Variants in ABTB3 observed in about 807,000 individuals in gnomAD.
ABTB3 encodes ankyrin repeat and BTB domain containing 3.
chr12:107,485,208 A>G, the ABTB3 span, among the ~76,000 whole-genome samples: 7 of 152,132 alleles, frequency 4.6e-5, no homozygotes, highest in Admixed American at 6.5e-5. Flanking sequence ...TATGATTCCA[A>G]ATTCATTGCT....
chr12:107,552,880 A>T, the ABTB3 span, among the ~76,000 whole-genome samples: 6 of 152,310 alleles, frequency 3.9e-5, no homozygotes, highest in South Asian at 2.1e-4. Flanking sequence ...GTACTAAATG[A>T]TCAGTGCATA....
chr12:107,346,801 C>T, the ABTB3 span, among the ~76,000 whole-genome samples: 3 of 152,300 alleles, frequency 2.0e-5, no homozygotes, highest in Admixed American at 2.0e-4. Context: ...ACAATTTTTA[C>T]TGGAGACAGA....
the ABTB3 span, among the ~76,000 whole-genome samples, chr12:107,606,522 C>T: frequency 6.6e-6 from 1 of 152,126 alleles, no homozygotes; most frequent in Admixed American, 6.5e-5. Context: ...GCCCAGCATA[C>T]CGTAGGTGCC....
chr12:107,552,394 TTGAA>T, the ABTB3 span, among the ~76,000 whole-genome samples: 3 of 152,244 alleles, frequency 2.0e-5, no homozygotes, highest in African/African-American at 7.2e-5. Flanking sequence ...AGAAGGAACT[TTGAA>T]TGACTCCTAG....
the ABTB3 span, chr12:107,617,864 T>C: frequency 2.3e-6 from 1 of 442,364 alleles, no homozygotes; most frequent in Non-Finnish European, 4.0e-6. Flanking sequence ...ACATTCACTT[T>C]GGAGAGAGGG....
chr12:107,329,011 C>A, the ABTB3 span, among the ~76,000 whole-genome samples: 1 of 152,144 alleles, frequency 6.6e-6, no homozygotes, highest in Non-Finnish European at 1.5e-5. Context: ...CAGATCACAG[C>A]GTAGCCTCCT....
At chr12:107,560,875 GTGTT>G in the ABTB3 span, among the ~76,000 whole-genome samples, 3 of 152,320 alleles carry the variant, frequency 2.0e-5, no homozygotes, top group African/African-American at 4.8e-5. Flanking sequence ...TTTGGTGGCT[GTGTT>G]TGTTTGTGTC....
the ABTB3 span, among the ~76,000 whole-genome samples, chr12:107,430,645 T>TA: frequency 6.6e-6 from 1 of 152,210 alleles, no homozygotes; most frequent in African/African-American, 2.4e-5. Flanking sequence ...AGAATAGTGT[T>TA]AAAAAATAAT....
the ABTB3 span, among the ~76,000 whole-genome samples, chr12:107,626,584 G>A: frequency 2.6e-5 from 4 of 151,742 alleles, no homozygotes; most frequent in Non-Finnish European, 5.9e-5. Flanking sequence ...TCCTGACCTC[G>A]TGATCTGCCT....
At chr12:107,355,622 A>G in the ABTB3 span, among the ~76,000 whole-genome samples, 2 of 152,208 alleles carry the variant, frequency 1.3e-5, no homozygotes, top group Non-Finnish European at 1.5e-5. Flanking sequence ...ATATGATGTA[A>G]AGATATAAAA....
At chr12:107,412,267 A>C in the ABTB3 span, among the ~76,000 whole-genome samples, 2 of 152,216 alleles carry the variant, frequency 1.3e-5, no homozygotes, top group Non-Finnish European at 2.9e-5. Flanking sequence ...CCCATCTTGC[A>C]GATGAGGATT....
At chr12:107,390,710 C>T in the ABTB3 span, among the ~76,000 whole-genome samples, 8 of 152,130 alleles carry the variant, frequency 5.3e-5, no homozygotes, top group Non-Finnish European at 4.4e-5. Context: ...ATCTTGGAGG[C>T]TGTTCCTCAG....
the ABTB3 span, among the ~76,000 whole-genome samples, chr12:107,435,266 C>T: frequency 9.8e-5 from 15 of 152,348 alleles, no homozygotes; most frequent in East Asian, 1.9e-4. Flanking sequence ...ACACTGAGTA[C>T]GCACATTCCC....
At chr12:107,342,365 C>T in the ABTB3 span, among the ~76,000 whole-genome samples, 1 of 152,078 alleles carries the variant, frequency 6.6e-6, no homozygotes, top group Non-Finnish European at 1.5e-5. Context: ...AGTTGGCTTG[C>T]TCTGTCCCTC....
the ABTB3 span, among the ~76,000 whole-genome samples, chr12:107,412,530 A>G: frequency 3.9e-4 from 59 of 152,268 alleles, no homozygotes; most frequent in African/African-American, 1.4e-3. Context: ...GTGGGCCTTA[A>G]GAGATCATTT....
chr12:107,532,517 A>G, the ABTB3 span, among the ~76,000 whole-genome samples: 1 of 152,350 alleles, frequency 6.6e-6, no homozygotes, highest in South Asian at 2.1e-4. Context: ...GACTAACACT[A>G]TAGATACATC....
chr12:107,525,280 T>C, the ABTB3 span, among the ~76,000 whole-genome samples: 1 of 119,280 alleles, frequency 8.4e-6, no homozygotes, highest in Non-Finnish European at 1.6e-5. Context: ...TGAGTCATGA[T>C]CACACCTCTG....
At chr12:107,325,023 T>C in the ABTB3 span, among the ~76,000 whole-genome samples, 1 of 152,310 alleles carries the variant, frequency 6.6e-6, no homozygotes, top group South Asian at 2.1e-4. Flanking sequence ...AAAGATTAAA[T>C]CAGATACAGT....
At chr12:107,326,790 A>G in the ABTB3 span, among the ~76,000 whole-genome samples, 2 of 152,198 alleles carry the variant, frequency 1.3e-5, no homozygotes, top group Non-Finnish European at 2.9e-5. Context: ...TGAAACTCCC[A>G]TTTGGAAAAG....
Sources: gnomAD v4.1 joint callset for allele counts (sites outside exome capture counted in the v4.1 genomes callset) on GRCh38, gnomAD v4.1.1 for gene constraint, MANE v1.5 for transcripts, NCBI Gene and HGNC (gene_info 2026-07-23, HGNC 2026-07-21) for gene names.